Variants in DGKB observed in about 807,000 individuals in gnomAD.
DGKB encodes diacylglycerol kinase beta, also known as 90 kDa diacylglycerol kinase.
In DGKB, 67 loss-of-function variants were observed where a neutral mutation model predicts 114.3. That is an observed-to-expected ratio of 0.59 (90% CI 0.48 to 0.72). The LOEUF (loss-of-function observed/expected upper bound fraction) is 0.72, where lower values mean the gene tolerates loss of function less well. Ranked by LOEUF, DGKB falls within the 30% of genes least tolerant of loss-of-function variation. The pLI is 0.00. For missense variants in DGKB, 907 were observed against 975.2 expected (o/e 0.93, Z 0.93); for synonymous variants, 398 against 323.1 (o/e 1.23, Z -2.49).
intron 2 of DGKB, among the ~76,000 whole-genome samples, chr7:14,804,722 T>G (rs1159629710): frequency 6.6e-6 from 1 of 152,130 alleles, no homozygotes; most frequent in Admixed American, 6.6e-5. Flanking sequence ...TCTATGCTAC[T>G]TTTGGGGAAT....
At chr7:14,194,336 A>C (rs13235993) in intron 23 of DGKB, among the ~76,000 whole-genome samples, 35,946 of 152,014 alleles carry the variant, frequency 0.24, 4,424 homozygotes, top group East Asian at 0.39. Context: ...AAAATGTGGC[A>C]AATATACACC....
At chr7:14,813,466 T>C (rs1039885717) in intron 2 of DGKB, among the ~76,000 whole-genome samples, 1 of 152,138 alleles carries the variant, frequency 6.6e-6, no homozygotes, top group African/African-American at 2.4e-5. Flanking sequence ...GCCACCAGAA[T>C]TGATGGCTGT....
chr7:14,485,453 C>A (rs767494559), intron 20 of DGKB, among the ~76,000 whole-genome samples: 16 of 151,900 alleles, frequency 1.1e-4, no homozygotes, highest in Non-Finnish European at 2.4e-4. Flanking sequence ...ACTGCTGGAA[C>A]AACCAGGGCA....
chr7:14,945,750 T>C (rs1418264545), intron 1 of DGKB, among the ~76,000 whole-genome samples: 2 of 151,742 alleles, frequency 1.3e-5, no homozygotes, highest in Non-Finnish European at 3.0e-5. Flanking sequence ...CAAGGTAGAA[T>C]CAAACATCAA....
intron 23 of DGKB, among the ~76,000 whole-genome samples, chr7:14,299,942 G>T (rs1306964288): frequency 1.3e-5 from 2 of 151,938 alleles, no homozygotes; most frequent in South Asian, 4.1e-4. Flanking sequence ...CAAAAACCTT[G>T]TATGTAGCAC....
At chr7:14,748,205 C>G (rs1221515336) in intron 4 of DGKB, among the ~76,000 whole-genome samples, 2 of 152,084 alleles carry the variant, frequency 1.3e-5, no homozygotes, top group African/African-American at 4.8e-5. Flanking sequence ...GTTACTAGAA[C>G]ACACAAAATT....
At chr7:14,646,676 T>C (rs1813088359) in intron 13 of DGKB, among the ~76,000 whole-genome samples, 1 of 151,922 alleles carries the variant, frequency 6.6e-6, no homozygotes, top group Non-Finnish European at 1.5e-5. Flanking sequence ...TCAGAATCAA[T>C]ATTAAGAAGA....
At chr7:14,890,518 C>T (rs1039273935) in intron 1 of DGKB, among the ~76,000 whole-genome samples, 14 of 151,386 alleles carry the variant, frequency 9.2e-5, no homozygotes, top group African/African-American at 3.4e-4. Flanking sequence ...CAAGTGACCA[C>T]CCACTCCTGA....
intron 23 of DGKB, among the ~76,000 whole-genome samples, chr7:14,204,998 C>T (rs924903904): frequency 1.3e-5 from 2 of 151,996 alleles, no homozygotes; most frequent in Non-Finnish European, 2.9e-5. Flanking sequence ...TCCTCTTAAT[C>T]AACTTCATTC....
rs116068359 is a variant in DGKB, at chr7:14,598,439, T to A, written c.1433+8995A>T. Among the ~76,000 whole-genome samples the A allele has an allele frequency of 6.1e-3, 928 of 152,344 alleles. 8 individuals carry two copies. Among genetic ancestry groups the A allele is most frequent in the African/African-American group, 0.021 (857 of 41,586 alleles). Reference sequence around the variant, plus strand: ...AGGGACTTTCTGCATACTAAATGATTGCTTTGGGGCAGAGAATTAACTATT... The same window carrying A: ...AGGGACTTTCTGCATACTAAATGATAGCTTTGGGGCAGAGAATTAACTATT... On this transcript the variant is annotated intron_variant, in intron 17 of 25. Transcript: ENST00000402815.
intron 1 of DGKB, among the ~76,000 whole-genome samples, chr7:14,853,889 AAAAAT>A (rs1157176876): frequency 0.014 from 1,895 of 138,062 alleles, 41 homozygotes; most frequent in African/African-American, 0.041. Context: ...AAAAAAAAAA[AAAAAT>A]TTATCATAAA....
intron 20 of DGKB, among the ~76,000 whole-genome samples, chr7:14,560,693 G>C (rs1239712976): frequency 6.6e-6 from 1 of 152,134 alleles, no homozygotes; most frequent in Non-Finnish European, 1.5e-5. Context: ...CTCTCTTCAA[G>C]ATCCTGATTT....
intron 21 of DGKB, among the ~76,000 whole-genome samples, chr7:14,471,639 G>T (rs556293565): frequency 6.6e-6 from 1 of 151,604 alleles, no homozygotes; most frequent in African/African-American, 2.4e-5. Flanking sequence ...GGTTATGTAC[G>T]TAAAGGCTGA....
At position 14,701,648 on chromosome 7, in the gene DGKB, A is replaced by C. The variant is rs765025442; in HGVS notation, c.516+33T>G. 6.6e-6 allele frequency: 10 copies of C among 1,517,312 alleles called. No homozygotes were observed. The East Asian group carries it at 2.3e-4, about 34-fold the overall frequency. The allele number at this position is 1,517,312 out of a possible 1,614,324, so 94.0% of individuals were successfully genotyped here. A position where few individuals can be genotyped will look rare whatever the true frequency, so the allele number is the denominator to read the frequency against. On this transcript the variant is annotated intron_variant, in intron 7 of 25. Transcript: ENST00000402815. ...GCATTCTTCAGAAGAAAATCTTTGA[A>C]GTTTTCACAGAAACTTTGAAGAAAA...
chr7:14,167,467 G>C (rs1205492014), intron 25 of DGKB, among the ~76,000 whole-genome samples: 4 of 152,024 alleles, frequency 2.6e-5, no homozygotes, highest in Non-Finnish European at 5.9e-5. Context: ...TTATTGGTCA[G>C]AGAAACAATA....
rs971383621 is a variant in DGKB at position 14,420,318 on chromosome 7, G to A, written c.1835+57843C>T. 4.0e-5 allele frequency among the ~76,000 whole-genome samples: 6 copies of A among 151,792 alleles called. No individual in the cohort carries two copies. The East Asian group carries it at 9.7e-4, about 24-fold the overall frequency. On this transcript the variant is annotated intron_variant, in intron 21 of 25. Coordinates refer to ENST00000402815, the MANE Select transcript of DGKB (RefSeq NM_001350709.2). ...GCTCAAAAATATGTTTACATTTTGT[G>A]AAGTTCTCTTGTCTCATTGATCCTT...
chr7:14,878,446 T>TA (rs1337685216), intron 1 of DGKB, among the ~76,000 whole-genome samples: 1 of 152,004 alleles, frequency 6.6e-6, no homozygotes, highest in Admixed American at 6.6e-5. Context: ...ATTTGGGTAT[T>TA]AAAAATATCA....
intron 1 of DGKB, among the ~76,000 whole-genome samples, chr7:14,974,168 A>G (rs1471427707): frequency 6.6e-6 from 1 of 152,016 alleles, no homozygotes; most frequent in African/African-American, 2.4e-5. Context: ...AAACAAGTAC[A>G]AAATTGAGCA....
At chr7:14,177,828 G>T (rs1782012488) in intron 24 of DGKB, among the ~76,000 whole-genome samples, 1 of 152,088 alleles carries the variant, frequency 6.6e-6, no homozygotes. Context: ...GAGAGAATCA[G>T]ATTCCAACAA....
Sources: gnomAD v4.1 joint callset for allele counts (sites outside exome capture counted in the v4.1 genomes callset) on GRCh38, gnomAD v4.1.1 for gene constraint, MANE v1.5 for transcripts, NCBI Gene and HGNC (gene_info 2026-07-23, HGNC 2026-07-21) for gene names.